HTATIP2: variants seen among roughly 807,000 people sequenced by gnomAD.
HTATIP2 encodes the protein protein HTATIP2.
In HTATIP2, 26 loss-of-function variants were observed where a neutral mutation model predicts 24.7. The observed-to-expected ratio is 1.05, with a 90% CI of 0.77 to 1.46. The LOEUF (loss-of-function observed/expected upper bound fraction) is 1.46. HTATIP2 is among the 40% of genes most tolerant of loss of function. The pLI, the probability that HTATIP2 is intolerant of heterozygous loss-of-function variation, is 0.00. For synonymous variants in HTATIP2, 99 were observed against 113.2 expected (o/e 0.87, Z 0.79); for missense variants, 284 against 289.6 (o/e 0.98, Z 0.14).
Position 20,381,210 on chromosome 11 carries a change from G to A in HTATIP2, c.442-968G>A, listed in dbSNP as rs977663263. Among the ~76,000 whole-genome samples, 5 of 151,998 alleles carry A rather than the reference G, an allele frequency of 3.3e-5. No individual in the cohort carries two copies. In the South Asian group the frequency reaches 6.2e-4, roughly 19 times the overall value. On this transcript the variant is annotated intron_variant, in intron 3 of 4. Coordinates refer to ENST00000451739, the MANE Select transcript of HTATIP2 (RefSeq NM_001098522.2). Reference sequence around the variant, plus strand: ...TCCCAGCACTTTGGGAGGCTGAGGCGGGTGGATCACTTGAGGTCAGGAGTT... The same window carrying A: ...TCCCAGCACTTTGGGAGGCTGAGGCAGGTGGATCACTTGAGGTCAGGAGTT...
chr11:20,380,650 C>A (rs1592322633), intron 3 of HTATIP2, among the ~76,000 whole-genome samples: 1 of 118,498 alleles, frequency 8.4e-6, no homozygotes, highest in South Asian at 2.6e-4. Flanking sequence ...CCAGCCTGGG[C>A]GACAGAGTGA....
chr11:20,369,121 TA>T (rs1248484273), intron 2 of HTATIP2, among the ~76,000 whole-genome samples: 4 of 152,216 alleles, frequency 2.6e-5, no homozygotes, highest in Non-Finnish European at 5.9e-5. Context: ...GGGAGGTTGA[TA>T]ACTTTAGCCA....
chr11:20,370,392 C>G (rs541883787), intron 2 of HTATIP2, among the ~76,000 whole-genome samples: 2 of 152,094 alleles, frequency 1.3e-5, no homozygotes, highest in African/African-American at 4.8e-5. Context: ...CAAGGTGGTT[C>G]GATGTGGTTT....
intron 2 of HTATIP2, among the ~76,000 whole-genome samples, chr11:20,373,763 T>C (rs2064796777): frequency 6.6e-6 from 1 of 152,154 alleles, no homozygotes; most frequent in South Asian, 2.1e-4. Context: ...TTTTTCTATG[T>C]AGTTTTGGGC....
intron 3 of HTATIP2, among the ~76,000 whole-genome samples, chr11:20,381,331 T>C (rs1848518599): frequency 6.6e-6 from 1 of 151,930 alleles, no homozygotes; most frequent in Non-Finnish European, 1.5e-5. Flanking sequence ...TCCCAGCTAC[T>C]TGGGAGGCCG....
At chr11:20,380,449 G>A (rs1848501107) in intron 3 of HTATIP2, among the ~76,000 whole-genome samples, 2 of 152,076 alleles carry the variant, frequency 1.3e-5, no homozygotes, top group Admixed American at 1.3e-4. Flanking sequence ...GAGGCGGGCG[G>A]ATCACGAGGT....
chr11:20,376,715 A>T lies in HTATIP2; in HGVS notation c.439A>T (p.Lys147Ter), dbSNP rs1555000599. 6.2e-7 allele frequency: 1 copy of T among 1,605,188 alleles called. No individual in the cohort carries two copies. Among genetic ancestry groups the T allele is most frequent in the South Asian group, 1.1e-5 (1 of 89,676 alleles). ...KSSNFLYLQVKGEVEAKVEEL... is the reference protein window; with the variant it reads ...KSSNFLYLQV ...AAGCAATTTTTTATATCTACAAGTT[A>T]AGGTTTGTGCAAGTTTCTGTTTTTC... The change falls in exon 3 of 5, where the codon AAG becomes TAG. Residue 147 changes from lysine to a stop codon, truncating the protein, a stop_gained and splice_region_variant. Transcript: ENST00000451739. LOFTEE classifies it high-confidence loss of function.
chr11:20,369,391 T>C lies in HTATIP2; in HGVS notation c.303+2110T>C, dbSNP rs368579225. Among the ~76,000 whole-genome samples the C allele has an allele frequency of 2.5e-3, 387 of 152,330 alleles. 2 individuals carry two copies. The highest frequency in any genetic ancestry group is 8.9e-3 in the African/African-American group (369 of 41,576). On this transcript the variant is annotated intron_variant, in intron 2 of 4. Coordinates refer to ENST00000451739, the MANE Select transcript of HTATIP2 (RefSeq NM_001098522.2). The stretch of plus-strand genomic sequence containing the variant: ...TTCCAGCAGAGAAACTTCAAGAAAT[T>C]CAGCGTTTTTGTCTCAGTATTGAGA...
intron 1 of HTATIP2, 132 bp downstream of exon 1, chr11:20,364,564 G>T: frequency 1.4e-6 from 1 of 740,236 alleles, no homozygotes; most frequent in Non-Finnish European, 2.2e-6. Context: ...GGCCAAGATT[G>T]GTCTGTGAGA....
At chr11:20,378,584 T>A (rs192107558) in intron 3 of HTATIP2, among the ~76,000 whole-genome samples, 113 of 152,304 alleles carry the variant, frequency 7.4e-4, no homozygotes, top group African/African-American at 2.5e-3. Context: ...ACATAAGATA[T>A]TTCCTCATTG....
At chr11:20,381,248 G>A (rs931418793) in intron 3 of HTATIP2, among the ~76,000 whole-genome samples, 35 of 152,146 alleles carry the variant, frequency 2.3e-4, no homozygotes, top group African/African-American at 7.7e-4. Context: ...AGACCAGCCT[G>A]GTCAACATGG....
chr11:20,376,738 T>C (rs928919185), intron 3 of HTATIP2, 21 bp downstream of exon 3: 18 of 1,588,686 alleles, frequency 1.1e-5, no homozygotes, highest in Non-Finnish European at 1.5e-5. Context: ...GTTTCTGTTT[T>C]TCATACACTT....
At chr11:20,381,452 C>A (rs903343382) in intron 3 of HTATIP2, among the ~76,000 whole-genome samples, 2 of 151,614 alleles carry the variant, frequency 1.3e-5, no homozygotes, top group African/African-American at 4.8e-5. Flanking sequence ...ACAAAAAATA[C>A]ATAAATAAAT....
intron 2 of HTATIP2, among the ~76,000 whole-genome samples, chr11:20,375,298 G>A (rs902453000): frequency 1.5e-4 from 23 of 152,074 alleles, no homozygotes; most frequent in African/African-American, 4.6e-4. Flanking sequence ...CAGGCCGGGC[G>A]CGGTGGCTCA....
At chr11:20,380,269 C>A (rs995844093) in intron 3 of HTATIP2, among the ~76,000 whole-genome samples, 8 of 152,202 alleles carry the variant, frequency 5.3e-5, no homozygotes, top group Non-Finnish European at 1.2e-4. Context: ...GTTGCAAGCA[C>A]AAGCCAGGGG....
chr11:20,370,083 A>G lies in HTATIP2; in HGVS notation c.303+2802A>G, dbSNP rs965570490. Among the ~76,000 whole-genome samples the G allele has an allele frequency of 2.7e-4, 41 of 152,116 alleles. 1 individual carries two copies. The highest frequency in any genetic ancestry group is 9.4e-4 in the African/African-American group (39 of 41,428). ...CTGAATTTGGAAGCTTGGAATCTGT[A>G]TTTTTAGCAGGCTCCTTGGGAGATC... is the stretch of plus-strand genomic sequence containing the variant. On this transcript the variant is annotated intron_variant, in intron 2 of 4. Coordinates refer to ENST00000451739, the MANE Select transcript of HTATIP2 (RefSeq NM_001098522.2).
chr11:20,381,910 T>G (rs1322497979), intron 3 of HTATIP2, among the ~76,000 whole-genome samples: 2 of 152,228 alleles, frequency 1.3e-5, no homozygotes, highest in Non-Finnish European at 2.9e-5. Context: ...TCTCTGAATC[T>G]GTTTTAATAT....
rs780450156 is a variant in HTATIP2 at position 20,367,155 on chromosome 11, C to G, written c.196-19C>G. On this transcript the variant is annotated intron_variant, in intron 1 of 4. Coordinates refer to ENST00000451739, the MANE Select transcript of HTATIP2 (RefSeq NM_001098522.2). ...TGTTTAAATAACATGAAACTACATACAACTGTGTCCTTGCCTAGAATCAAG... is the reference window on the plus strand; with the variant it reads ...TGTTTAAATAACATGAAACTACATAGAACTGTGTCCTTGCCTAGAATCAAG... 3 of 1,613,142 alleles carry G rather than the reference C, an allele frequency of 1.9e-6. No individual in the cohort carries two copies. Among genetic ancestry groups the G allele is most frequent in the African/African-American group, 1.3e-5 (1 of 74,888 alleles).
chr11:20,383,082 T>C lies in HTATIP2; in HGVS notation c.606T>C (p.Pro202=). ...PDSWASGHSV[P]VVTVVRAMLN... is the part of the protein sequence containing the mutation. ...CTTGGGCCAGTGGGCATTCTGTGCC[T>C]GTGGTGACCGTGGTTAGAGCAATGC... is the stretch of plus-strand genomic sequence containing the variant. Residue 202 remains proline, a synonymous_variant, in exon 5 of 5, where the codon CCT becomes CCC. Transcript: ENST00000451739. 6.2e-7 allele frequency: 1 copy of C among 1,613,978 alleles called. No individual in the cohort carries two copies. The highest frequency in any genetic ancestry group is 1.1e-5 in the South Asian group (1 of 91,060).
Sources: allele counts gnomAD v4.1 joint callset (sites outside exome capture counted in the v4.1 genomes callset), GRCh38; gene constraint gnomAD v4.1.1; transcripts MANE v1.5; gene names NCBI Gene and HGNC (gene_info 2026-07-23, HGNC 2026-07-21).